TSPAN7: variants seen among roughly 807,000 people sequenced by gnomAD.
The protein encoded by TSPAN7 is tetraspanin-7.
Under a neutral mutation model 17.6 loss-of-function variants are expected in TSPAN7, and 1 was observed. The observed-to-expected ratio is 0.06, with a 90% CI of 0.02 to 0.27. The LOEUF (loss-of-function observed/expected upper bound fraction) is 0.27, where lower values mean the gene tolerates loss of function less well. TSPAN7 is among the 10% of genes least tolerant of loss of function. The pLI is 1.00. For missense variants in TSPAN7, 112 were observed against 201.7 expected, an observed-to-expected ratio of 0.56 and a Z score of 2.69; for synonymous variants, 78 against 79.0, an observed-to-expected ratio of 0.99 and a Z score of 0.07.
chrX:38,570,234 G>C (rs1447660566), intron 1 of TSPAN7, among the ~76,000 whole-genome samples: 2 of 111,813 alleles, frequency 1.8e-5, no homozygotes, highest in African/African-American at 6.5e-5. Flanking sequence ...TTGCTTGGCT[G>C]TTTTTCTTTT....
intron 1 of TSPAN7, among the ~76,000 whole-genome samples, chrX:38,583,435 A>G (rs1012333230): frequency 3.6e-5 from 4 of 112,276 alleles, no homozygotes; most frequent in African/African-American, 1.3e-4. Context: ...TCAATTACTC[A>G]TCGCATTTAT....
intron 1 of TSPAN7, among the ~76,000 whole-genome samples, chrX:38,578,393 C>T (rs1209406116): frequency 8.9e-6 from 1 of 111,754 alleles, no homozygotes; most frequent in Non-Finnish European, 1.9e-5. Context: ...GAGCAAGTTA[C>T]TTATTAATCT....
At chrX:38,619,377 C>T (rs1278430591) in intron 1 of TSPAN7, among the ~76,000 whole-genome samples, 3 of 111,838 alleles carry the variant, frequency 2.7e-5, no homozygotes, top group African/African-American at 9.8e-5. Flanking sequence ...CATGCCCTCA[C>T]CTTGTTTAGA....
intron 1 of TSPAN7, chrX:38,646,450 C>G: frequency 1.8e-6 from 1 of 546,940 alleles, no homozygotes; most frequent in African/African-American, 2.3e-5. Flanking sequence ...GCAGTGAATG[C>G]ACGTAAAACA....
rs1264029189 is a variant in TSPAN7 at position 38,688,389 on chromosome X, C to A, written c.*458C>A. The A allele has an allele frequency of 8.8e-6, 1 of 113,393 alleles. No homozygotes were observed. Among genetic ancestry groups the A allele is most frequent in the Non-Finnish European group, 1.9e-5 (1 of 53,438 alleles). The allele number at this position is 113,393 out of a possible 1,213,427, so 9.3% of individuals were successfully genotyped here. Reference sequence around the variant, plus strand: ...AAGTAGATAAGCAGACGATAGTTATCTGTTCTTTTGACTTAATCTCATTTG... The same window carrying A: ...AAGTAGATAAGCAGACGATAGTTATATGTTCTTTTGACTTAATCTCATTTG... On this transcript the variant is annotated 3_prime_UTR_variant, in exon 8 of 8. Transcript: ENST00000378482.
At chrX:38,635,405 T>C (rs1049803495) in intron 1 of TSPAN7, among the ~76,000 whole-genome samples, 1 of 111,426 alleles carries the variant, frequency 9.0e-6, no homozygotes, top group Non-Finnish European at 1.9e-5. Flanking sequence ...ACCTCTTCTG[T>C]TAGGCTTTGG....
At chrX:38,610,432 G>A (rs1031869819) in intron 1 of TSPAN7, among the ~76,000 whole-genome samples, 2 of 111,761 alleles carry the variant, frequency 1.8e-5, no homozygotes, top group African/African-American at 3.3e-5. Flanking sequence ...TTATATTTTC[G>A]ACAGGAGGAA....
intron 1 of TSPAN7, among the ~76,000 whole-genome samples, chrX:38,585,859 G>C (rs2069255697): frequency 8.9e-6 from 1 of 112,279 alleles, no homozygotes; most frequent in South Asian, 3.7e-4. Flanking sequence ...ATGTGACATG[G>C]GGGCTCCCCA....
chrX:38,564,177 C>T (rs904818428), intron 1 of TSPAN7, among the ~76,000 whole-genome samples: 3 of 110,063 alleles, frequency 2.7e-5, no homozygotes, highest in African/African-American at 6.6e-5. Context: ...CCTAAGCAAC[C>T]ACTACTTTCT....
chrX:38,680,669 G>A (rs1453577280), intron 5 of TSPAN7, among the ~76,000 whole-genome samples: 1 of 108,748 alleles, frequency 9.2e-6, no homozygotes, highest in East Asian at 2.9e-4. Context: ...ACTCCATAAA[G>A]TTGGCAGATA....
intron 1 of TSPAN7, among the ~76,000 whole-genome samples, chrX:38,580,963 T>C (rs1351310203): frequency 1.8e-5 from 2 of 112,186 alleles, no homozygotes; most frequent in Non-Finnish European, 3.8e-5. Flanking sequence ...TTCTAAAATC[T>C]GGCCAAGGCT....
At chrX:38,663,393 A>G (rs905059612) in intron 1 of TSPAN7, among the ~76,000 whole-genome samples, 3 of 111,986 alleles carry the variant, frequency 2.7e-5, no homozygotes, top group Admixed American at 9.5e-5. Flanking sequence ...CACTTTGGGG[A>G]CTGGGGAGAA....
At chrX:38,607,520 A>C (rs1460825661) in intron 1 of TSPAN7, among the ~76,000 whole-genome samples, 3 of 111,417 alleles carry the variant, frequency 2.7e-5, no homozygotes, top group Non-Finnish European at 5.7e-5. Context: ...CCCGGACCCC[A>C]CACGCAGAGC....
At chrX:38,594,961 C>A (rs1325571083) in intron 1 of TSPAN7, among the ~76,000 whole-genome samples, 1 of 111,416 alleles carries the variant, frequency 9.0e-6, no homozygotes, top group Non-Finnish European at 1.9e-5. Context: ...TCTTCCTCTT[C>A]CTTTTTTTTA....
intron 1 of TSPAN7, among the ~76,000 whole-genome samples, chrX:38,584,259 AT>A (rs1031142542): frequency 9.0e-6 from 1 of 110,648 alleles, no homozygotes; most frequent in Admixed American, 9.6e-5. Context: ...GGCAAACCTG[AT>A]TTTTTTTAAG....
intron 1 of TSPAN7, among the ~76,000 whole-genome samples, chrX:38,651,946 A>G (rs2069678209): frequency 8.9e-6 from 1 of 111,809 alleles, no homozygotes; most frequent in Admixed American, 9.5e-5. Context: ...GTCATCCAGG[A>G]TTTCTGACTC....
intron 1 of TSPAN7, among the ~76,000 whole-genome samples, chrX:38,579,286 A>G (rs377618707): frequency 3.6e-5 from 4 of 111,060 alleles, no homozygotes; most frequent in African/African-American, 1.3e-4. Flanking sequence ...GGATTTGATT[A>G]AATTAATGCA....
At chrX:38,609,062 G>A (rs2069402567) in intron 1 of TSPAN7, among the ~76,000 whole-genome samples, 1 of 112,133 alleles carries the variant, frequency 8.9e-6, no homozygotes, top group African/African-American at 3.2e-5. Context: ...GATAAACACT[G>A]TAAATGCTTT....
At chrX:38,615,683 T>A (rs1226073894) in intron 1 of TSPAN7, among the ~76,000 whole-genome samples, 1 of 112,544 alleles carries the variant, frequency 8.9e-6, no homozygotes, top group Non-Finnish European at 1.9e-5. Flanking sequence ...AGTATTTTAT[T>A]TGAGAGGAAT....
Sources: gnomAD v4.1 joint callset for allele counts (sites outside exome capture counted in the v4.1 genomes callset) on GRCh38, gnomAD v4.1.1 for gene constraint, MANE v1.5 for transcripts, NCBI Gene and HGNC (gene_info 2026-07-23, HGNC 2026-07-21) for gene names.